RTP1: variants seen among roughly 807,000 people sequenced by gnomAD.
RTP1 encodes receptor transporter protein 1.
RTP1 carries 24 observed loss-of-function variants against 27.1 expected under a neutral mutation model. That is an observed-to-expected ratio of 0.89 (90% CI 0.64 to 1.25). The LOEUF (loss-of-function observed/expected upper bound fraction) is 1.25, where lower values mean the gene tolerates loss of function less well. RTP1 is among the 50% of genes most tolerant of loss of function. The pLI, the probability that RTP1 is intolerant of heterozygous loss-of-function variation, is 0.00. For synonymous variants in RTP1, 148 were observed against 148.1 expected (o/e 1.00, Z 0.00); for missense variants, 338 against 351.6 (o/e 0.96, Z 0.31).
Position 187,197,504 on chromosome 3 carries a change from C to T in RTP1, c.-12C>T. On this transcript the variant is annotated 5_prime_UTR_variant, in exon 1 of 2. Transcript: ENST00000312295. ...GGAGGGAGCTGGGTCCTGCTTCCTC[C>T]TGGTCTTGTCGATGAGGATTTTTAG... 1.2e-6 allele frequency: 2 copies of T among 1,611,064 alleles called. No individual in the cohort carries two copies. Among genetic ancestry groups the T allele is most frequent in the South Asian group, 2.2e-5 (2 of 91,002 alleles).
intron 1 of RTP1, chr3:187,198,159 C>T (rs1219717061): frequency 3.8e-5 from 7 of 182,704 alleles, no homozygotes; most frequent in African/African-American, 9.4e-5. Context: ...CACTGGGGGT[C>T]GAGACGTCCG....
Position 187,197,541 on chromosome 3 carries a change from T to C in RTP1, c.26T>C (p.Leu9Pro), listed in dbSNP as rs1655588967. ...ATGAGGATTTTTAGACCGTGGAGAC[T>C]GCGCTGCCCTGCCCTGCACCTACCC... MRIFRPWR[L>P]RCPALHLPSL... The change falls in exon 1 of 2, where the codon CTG (leucine) becomes CCG (proline). Residue 9 changes from leucine to proline, a missense_variant. Physicochemically the swap from Leu to Pro is moderately conservative, Grantham distance 98. Transcript: ENST00000312295. 1.2e-6 allele frequency: 2 copies of C among 1,614,170 alleles called. No individual in the cohort carries two copies. The highest frequency in any genetic ancestry group is 1.7e-6 in the Non-Finnish European group (2 of 1,180,004).
rs143493328 is a variant in RTP1 at position 187,201,086 on chromosome 3, G to T, written c.*1016G>T. 1 of 152,222 alleles carries T rather than the reference G, an allele frequency of 6.6e-6. No homozygotes were observed. Among genetic ancestry groups the T allele is most frequent in the Non-Finnish European group, 1.5e-5 (1 of 68,050 alleles). 9.4% of individuals were successfully genotyped at this position (152,222 alleles called of 1,614,324 possible). A position where few individuals can be genotyped will look rare whatever the true frequency, so the allele number is the denominator to read the frequency against. The stretch of plus-strand genomic sequence containing the variant: ...CTTTCTCACATTGGCCAAGCATGAG[G>T]CCTCTTGCCAAAGATCAGCTGTCCC... On this transcript the variant is annotated 3_prime_UTR_variant, in exon 2 of 2. Coordinates refer to ENST00000312295, the MANE Select transcript of RTP1 (RefSeq NM_153708.3).
At chr3:187,198,007 C>A in intron 1 of RTP1, 1 of 531,402 alleles carries the variant, frequency 1.9e-6, no homozygotes, top group Non-Finnish European at 3.3e-6. Flanking sequence ...GTTACTCTTC[C>A]TCTCTGAGTC....
chr3:187,199,321 T>C (rs964201987), intron 1 of RTP1: 10 of 518,166 alleles, frequency 1.9e-5, no homozygotes, highest in South Asian at 3.6e-5. Flanking sequence ...ACTGAGGAGG[T>C]AGAGCACTGC....
chr3:187,199,672 T>C lies in RTP1; in HGVS notation c.394T>C (p.Cys132Arg). ...GCGCATGCGCGTCTTCAAGCAGCTG[T>C]GCTATGAGTGCGGCACGGCGCGGCT... is the stretch of plus-strand genomic sequence containing the variant. Reference protein sequence around the residue: ...SVRMRVFKQLCYECGTARLDE... With the variant: ...SVRMRVFKQLRYECGTARLDE... Residue 132 changes from cysteine to arginine, a missense_variant, in exon 2 of 2, where the codon TGC becomes CGC. Coordinates refer to ENST00000312295, the MANE Select transcript of RTP1 (RefSeq NM_153708.3). 6.2e-7 allele frequency: 1 copy of C among 1,611,388 alleles called. No individual in the cohort carries two copies. Among genetic ancestry groups the C allele is most frequent in the Non-Finnish European group, 8.5e-7 (1 of 1,177,860 alleles).
At position 187,199,481 on chromosome 3, in the gene RTP1, C is replaced by T. The variant is rs1041897665; in HGVS notation, c.273-70C>T. ...TCTGCTTAGCCTCCACGTCCCCTCA[C>T]GCCATTCCTAGGGCTGTTTCCACCA... On this transcript the variant is annotated intron_variant, in intron 1 of 1. Coordinates refer to ENST00000312295, the MANE Select transcript of RTP1 (RefSeq NM_153708.3). 10 of 1,501,846 alleles carry T rather than the reference C, an allele frequency of 6.7e-6. No homozygotes were observed. In the South Asian group the frequency reaches 1.0e-4, roughly 15 times the overall value. 93.0% of individuals were successfully genotyped at this position (1,501,846 alleles called of 1,614,324 possible).
Position 187,199,715 on chromosome 3 carries a change from T to C in RTP1, c.437T>C (p.Leu146Pro), listed in dbSNP as rs1198582674. The change falls in exon 2 of 2, where the codon CTG becomes CCG. Residue 146 changes from leucine to proline, a missense_variant. Physicochemically the swap from Leu to Pro is moderately conservative, Grantham distance 98. Around this residue, in one of 3 missense-constraint regions of RTP1, gnomAD observed 252 missense variants for 231.5 expected, o/e 1.09. Transcript: ENST00000312295. ...GTARLDESSM[L>P]EENIEGLVDN... Reference sequence around the variant, plus strand: ...GCGCGGCTGGACGAGTCCAGCATGCTGGAGGAGAACATCGAGGGCCTGGTG... The same window carrying C: ...GCGCGGCTGGACGAGTCCAGCATGCCGGAGGAGAACATCGAGGGCCTGGTG... The C allele has an allele frequency of 6.2e-7, 1 of 1,613,436 alleles. No homozygotes were observed. The highest frequency in any genetic ancestry group is 1.7e-5 in the Admixed American group (1 of 59,998).
rs1450325565 is a variant in RTP1 at position 187,197,673 on chromosome 3, A to G, written c.158A>G (p.Lys53Arg). The change falls in exon 1 of 2, where the codon AAG (lysine) becomes AGG (arginine). Residue 53 changes from lysine to arginine, a missense_variant. Lys to Arg is a conservative substitution (Grantham distance 26, BLOSUM62 2). Transcript: ENST00000312295. ...GAGTGGAAGAAAGTCTTCTATGAGA[A>G]GATGGAGGAGGCAAAGCCGGCTGAC... ...TDEWKKVFYE[K>R]MEEAKPADSW... 2 of 1,614,096 alleles carry G rather than the reference A, an allele frequency of 1.2e-6. No individual in the cohort carries two copies. The highest frequency in any genetic ancestry group is 1.7e-6 in the Non-Finnish European group (2 of 1,180,046).
rs780972704 is a variant in RTP1 at position 187,200,016 on chromosome 3, C to T, written c.738C>T (p.Ala246=). ...CTATCCCCTGGTGCTTGTTTTGGGC[C>T]ACGGTCCTGCTGCTGATCATCTACC... ...FCSIPWCLFW[A]TVLLLIIYLQ... The change falls in exon 2 of 2, where the codon GCC becomes GCT. Residue 246 remains alanine (A), a synonymous_variant. Transcript: ENST00000312295. The T allele has an allele frequency of 2.6e-6, 4 of 1,531,594 alleles. No homozygotes were observed. The highest frequency in any genetic ancestry group is 2.1e-5 in the Admixed American group (1 of 47,064). The allele number at this position is 1,531,594 out of a possible 1,614,324, so 94.9% of individuals were successfully genotyped here. A position where few individuals can be genotyped will look rare whatever the true frequency, so the allele number is the denominator to read the frequency against.
In RTP1 at chr3:187,197,795, G is replaced by A; in HGVS notation, c.272+8G>A. ...ATTGCATGCTTCAGGCAGGTGAGTA[G>A]CCCAGGAAGGTGGATCCCTGCAGGC... On this transcript the variant is annotated splice_region_variant and intron_variant, in intron 1 of 1. Transcript: ENST00000312295. 1 of 1,608,302 alleles carries A rather than the reference G, an allele frequency of 6.2e-7. No homozygotes were observed. Among genetic ancestry groups the A allele is most frequent in the East Asian group, 2.2e-5 (1 of 44,722 alleles).
chr3:187,199,968 G>T lies in RTP1; in HGVS notation c.690G>T (p.Thr230=). 1 of 1,588,720 alleles carries T rather than the reference G, an allele frequency of 6.3e-7. No individual in the cohort carries two copies. The highest frequency in any genetic ancestry group is 1.1e-5 in the South Asian group (1 of 87,154). ...GCCCCACCAAGTCGCAGGACCAGACGGGCTCAGGCTGGAACTTCTGCTCTA... is the reference window on the plus strand; with the variant it reads ...GCCCCACCAAGTCGCAGGACCAGACTGGCTCAGGCTGGAACTTCTGCTCTA... The part of the protein sequence containing the change: ...APSPTKSQDQ[T]GSGWNFCSIP... Residue 230 remains threonine (T), a synonymous_variant, in exon 2 of 2, where the codon ACG becomes ACT. Transcript: ENST00000312295.
chr3:187,199,681 TGCGGCACGGC>T lies in RTP1; in HGVS notation c.409_418del (p.Thr137TrpfsTer112). ...CGTCTTCAAGCAGCTGTGCTATGAG[TGCGGCACGGC>T]GCGGCTGGACGAGTCCAGCATGCTG... On this transcript the variant is annotated frameshift_variant, in exon 2 of 2. Transcript: ENST00000312295. LOFTEE classifies it high-confidence loss of function. 1 of 1,612,224 alleles carries T rather than the reference TGCGGCACGGC, an allele frequency of 6.2e-7. No homozygotes were observed.
rs1721670406 is a variant in RTP1, at chr3:187,199,675, T to C, written c.397T>C (p.Tyr133His). The C allele has an allele frequency of 2.5e-6, 4 of 1,611,332 alleles. No individual in the cohort carries two copies. The highest frequency in any genetic ancestry group is 3.4e-6 in the Non-Finnish European group (4 of 1,177,910). The change falls in exon 2 of 2, where the codon TAT becomes CAT. Residue 133 changes from tyrosine to histidine, a missense_variant. Physicochemically the swap from Tyr to His is moderately conservative, Grantham distance 83 (BLOSUM62 2). Coordinates refer to ENST00000312295, the MANE Select transcript of RTP1 (RefSeq NM_153708.3). ...VRMRVFKQLC[Y>H]ECGTARLDES... ...CATGCGCGTCTTCAAGCAGCTGTGC[T>C]ATGAGTGCGGCACGGCGCGGCTGGA...
rs1579442818 is a variant in RTP1 at position 187,201,169 on chromosome 3, A to T, written c.*1099A>T. 6.6e-6 allele frequency: 1 copy of T among 152,370 alleles called. No individual in the cohort carries two copies. Among genetic ancestry groups the T allele is most frequent in the East Asian group, 1.9e-4 (1 of 5,190 alleles). The allele number at this position is 152,370 out of a possible 1,614,324, so 9.4% of individuals were successfully genotyped here. On this transcript the variant is annotated 3_prime_UTR_variant, in exon 2 of 2. Transcript: ENST00000312295. ...AGAGAGAGGGCGTTAAAGATGTAAA[A>T]TGCTTTGTCCATGGGGAAGTGCACA...
chr3:187,199,402 G>C, intron 1 of RTP1, 149 bp from the exon 2 acceptor site: 4 of 805,094 alleles, frequency 5.0e-6, no homozygotes, highest in Non-Finnish European at 7.8e-6. Context: ...GTGGCTTCCT[G>C]GGGAAAGCTA....
rs113230029 is a variant in RTP1, at chr3:187,199,460, C to T, written c.273-91C>T. 162 of 1,405,972 alleles carry T rather than the reference C, an allele frequency of 1.2e-4. No individual in the cohort carries two copies. The African/African-American group carries it at 1.7e-3, about 15-fold the overall frequency. 87.1% of individuals were successfully genotyped at this position (1,405,972 alleles called of 1,614,324 possible). Reference sequence around the variant, plus strand: ...ACACTTCCTCCACCTCCAGGCTCTGCTTAGCCTCCACGTCCCCTCACGCCA... The same window carrying T: ...ACACTTCCTCCACCTCCAGGCTCTGTTTAGCCTCCACGTCCCCTCACGCCA... On this transcript the variant is annotated intron_variant, in intron 1 of 1. Coordinates refer to ENST00000312295, the MANE Select transcript of RTP1 (RefSeq NM_153708.3).
Sources: allele counts gnomAD v4.1 joint callset, GRCh38; gene constraint gnomAD v4.1.1; regional missense constraint gnomAD v4.1.1; transcripts MANE v1.5; gene names NCBI Gene and HGNC (gene_info 2026-07-23, HGNC 2026-07-21).